BTBD3: variants seen among roughly 807,000 people sequenced by gnomAD.
BTBD3 encodes BTB/POZ domain-containing protein 3.
Under a neutral mutation model 41.6 loss-of-function variants are expected in BTBD3, and 14 were observed. That is an observed-to-expected ratio of 0.34 (90% CI 0.22 to 0.53). The LOEUF (loss-of-function observed/expected upper bound fraction) is 0.53. BTBD3 is among the 20% of genes least tolerant of loss of function. BTBD3 has a pLI of 0.95. For synonymous variants in BTBD3, 249 were observed against 233.7 expected (o/e 1.07, Z -0.60); for missense variants, 426 against 654.7 (o/e 0.65, Z 3.81).
rs1003002242 is a variant in BTBD3, at chr20:11,905,187, G to A, written c.-125-13147G>A. 3.3e-5 allele frequency among the ~76,000 whole-genome samples: 5 copies of A among 152,258 alleles called. No homozygotes were observed. In the East Asian group the frequency reaches 5.8e-4, roughly 18 times the overall value. ...GCAATAAATACTGTCAGTTTTCCTT[G>A]CAGTGACAGGCTCACTTCATTCATT... On this transcript the variant is annotated intron_variant, in intron 1 of 4. Coordinates refer to the BTBD3 transcript ENST00000254977.
intron 1 of BTBD3, among the ~76,000 whole-genome samples, chr20:11,903,474 TC>T (rs980488979): frequency 1.3e-5 from 2 of 152,316 alleles, no homozygotes; most frequent in Admixed American, 1.3e-4. Context: ...ACAATTTTTT[TC>T]TTAATGTCTT....
chr20:11,890,989 C>T (rs2056747776), intron 1 of BTBD3: 1 of 981,634 alleles, frequency 1.0e-6, no homozygotes, highest in Non-Finnish European at 1.2e-6. Context: ...CGGGTCGGCG[C>T]CTCCGCGCGT....
chr20:11,894,903 T>C (rs910125169), intron 1 of BTBD3, among the ~76,000 whole-genome samples: 3 of 152,218 alleles, frequency 2.0e-5, no homozygotes, highest in Admixed American at 2.0e-4. Context: ...ATAAGGCTTT[T>C]AGACTTTAAA....
At chr20:11,919,350 T>G (rs1470592638) in intron 2 of BTBD3, 174 bp downstream of exon 2, 1 of 1,412,300 alleles carries the variant, frequency 7.1e-7, no homozygotes. Context: ...ATTTTTTCTT[T>G]GTTTCCTTCT....
At chr20:11,913,620 C>T (rs903777618), upstream of BTBD3, 1 of 152,204 alleles carries the variant, frequency 6.6e-6, no homozygotes, top group East Asian at 1.9e-4. Flanking sequence ...TGTTGCCCCA[C>T]TTCTTTACTG....
chr20:11,908,462 G>T (rs7270761), intron 1 of BTBD3, among the ~76,000 whole-genome samples: 1,831 of 151,130 alleles, frequency 0.012, 30 homozygotes, highest in African/African-American at 0.042. Context: ...CTATTGTTAT[G>T]TGATGCAGAG....
chr20:11,903,744 T>C (rs963328292), intron 1 of BTBD3, among the ~76,000 whole-genome samples: 1 of 152,060 alleles, frequency 6.6e-6, no homozygotes, highest in African/African-American at 2.4e-5. Flanking sequence ...GTAGCTGGGA[T>C]TACAGGTGCC....
At chr20:11,892,548 G>T (rs2122148148) in intron 1 of BTBD3, 1 of 152,322 alleles carries the variant, frequency 6.6e-6, no homozygotes, top group African/African-American at 2.4e-5. Flanking sequence ...CAGCAGGTAA[G>T]GGTGAGCTTA....
intron 1 of BTBD3, among the ~76,000 whole-genome samples, chr20:11,906,508 C>G (rs2056855954): frequency 6.6e-6 from 1 of 151,922 alleles, no homozygotes; most frequent in African/African-American, 2.4e-5. Flanking sequence ...AGGTGATCCA[C>G]CCAGCTAGGC....
intron 1 of BTBD3, among the ~76,000 whole-genome samples, chr20:11,896,237 C>G (rs2056786553): frequency 6.6e-6 from 1 of 152,106 alleles, no homozygotes; most frequent in African/African-American, 2.4e-5. Context: ...CTAATGTTTC[C>G]TGTTAGAGTT....
chr20:11,913,684 A>G (rs1257409834), upstream of BTBD3: 1 of 152,194 alleles, frequency 6.6e-6, no homozygotes, highest in Non-Finnish European at 1.5e-5. Flanking sequence ...TACCTGTGAA[A>G]AAAGAGTTGC....
At chr20:11,892,730 C>A (rs1210574227) in intron 1 of BTBD3, among the ~76,000 whole-genome samples, 2 of 151,998 alleles carry the variant, frequency 1.3e-5, no homozygotes, top group Non-Finnish European at 2.9e-5. Flanking sequence ...GTTTTCTTTT[C>A]CTTTTTTAGC....
intron 1 of BTBD3, among the ~76,000 whole-genome samples, chr20:11,902,366 C>CTACAG (rs2056829120): frequency 1.3e-5 from 2 of 152,160 alleles, no homozygotes; most frequent in Admixed American, 1.3e-4. Context: ...AGACCTCAAT[C>CTACAG]TACAGTACAT....
upstream of BTBD3, among the ~76,000 whole-genome samples, chr20:11,917,492 C>CT (rs2056926269): frequency 6.6e-6 from 1 of 152,068 alleles, no homozygotes; most frequent in Non-Finnish European, 1.5e-5. Context: ...ATTAATAGCC[C>CT]TTTTCAGTTT....
chr20:11,918,758 A>G, intron 1 of BTBD3, 157 bp downstream of exon 1: 1 of 797,796 alleles, frequency 1.3e-6, no homozygotes, highest in Non-Finnish European at 1.9e-6. Flanking sequence ...TTTCCAAAAC[A>G]GTACAGCTGT....
chr20:11,892,580 C>G (rs1227581881), intron 1 of BTBD3: 1 of 152,208 alleles, frequency 6.6e-6, no homozygotes, highest in African/African-American at 2.4e-5. Flanking sequence ...GATGTTCTTT[C>G]TGAGATACTT....
chr20:11,897,986 T>G (rs1031607115), intron 1 of BTBD3, among the ~76,000 whole-genome samples: 7 of 152,058 alleles, frequency 4.6e-5, no homozygotes, highest in African/African-American at 1.7e-4. Flanking sequence ...GGTGAAACCT[T>G]ATGTCTACTA....
intron 3 of BTBD3, chr20:11,921,560 ACAGT>A (rs1404961840): frequency 2.6e-5 from 4 of 152,216 alleles, no homozygotes; most frequent in Non-Finnish European, 5.9e-5. Flanking sequence ...GTCCTGGCTC[ACAGT>A]CAGAGCATCA....
rs774557480 is a variant in BTBD3 at position 11,918,231 on chromosome 20, A to G, written c.-45A>G. ...GCTAATCTCTTTTCCTTGATGTTCA[A>G]ACCAATTTGGGATATCTAACTCTAA... On this transcript the variant is annotated 5_prime_UTR_variant, in exon 1 of 4. Coordinates refer to ENST00000378226, the MANE Select transcript of BTBD3 (RefSeq NM_014962.4). The G allele has an allele frequency of 4.0e-6, 6 of 1,511,674 alleles. No individual in the cohort carries two copies. Among genetic ancestry groups the G allele is most frequent in the Admixed American group, 2.3e-5 (1 of 44,178 alleles). 93.6% of individuals were successfully genotyped at this position (1,511,674 alleles called of 1,614,324 possible).
Sources: allele counts gnomAD v4.1 joint callset (sites outside exome capture counted in the v4.1 genomes callset), GRCh38; gene constraint gnomAD v4.1.1; transcripts MANE v1.5; gene names NCBI Gene and HGNC (gene_info 2026-07-23, HGNC 2026-07-21).